Variants in ARID1B observed in about 807,000 individuals in gnomAD.
ARID1B encodes AT-rich interactive domain-containing protein 1B.
A neutral mutation model predicts 212.3 loss-of-function variants in ARID1B; 30 were observed. The ratio of observed to expected loss-of-function variants is 0.14; its 90% CI spans 0.11 to 0.19. The LOEUF is 0.19. Among genes scored for constraint, ARID1B ranks in the 10% least tolerant of loss-of-function variants. The probability of loss-of-function intolerance (pLI) is 1.00; values close to 1 mark genes in which losing one functional copy is unlikely to be tolerated. For missense variants in ARID1B, 2,891 were observed against 3,204.0 expected (o/e 0.90, Z 2.36); for synonymous variants, 1,402 against 1,301.7 (o/e 1.08, Z -1.66).
At chr6:156,900,876 A>G (rs1788868961) in intron 2 of ARID1B, among the ~76,000 whole-genome samples, 1 of 152,248 alleles carries the variant, frequency 6.6e-6, no homozygotes, top group Non-Finnish European at 1.5e-5. Context: ...TGATAATTTA[A>G]CTGGTATATA....
At chr6:156,928,462 C>G (rs948801960) in intron 3 of ARID1B, among the ~76,000 whole-genome samples, 2 of 152,120 alleles carry the variant, frequency 1.3e-5, no homozygotes, top group Non-Finnish European at 2.9e-5. Context: ...GGAGAAGGAA[C>G]AGGTCTGTGG....
chr6:156,989,887 A>G (rs4869905), intron 4 of ARID1B, among the ~76,000 whole-genome samples: 29,852 of 152,112 alleles, frequency 0.2, 3,226 homozygotes, highest in East Asian at 0.41. Flanking sequence ...GGAGAATGAT[A>G]GGAAATAGTG....
intron 6 of ARID1B, among the ~76,000 whole-genome samples, chr6:157,123,246 C>T (rs1231761387): frequency 1.4e-4 from 17 of 125,358 alleles, no homozygotes; most frequent in Admixed American, 3.3e-4. Flanking sequence ...CCGCCCCCCC[C>T]CCACACACAC....
At position 157,066,576 on chromosome 6, in the gene ARID1B, G is replaced by A. The variant is rs73581994; in HGVS notation, c.2248-18086G>A. On this transcript the variant is annotated intron_variant, in intron 4 of 19. Transcript: ENST00000636930. ...GTATGATGATATTATAGCCTTTAAC[G>A]GATAGCTTATGTCTGAGTTCATGGT... Among the ~76,000 whole-genome samples the A allele has an allele frequency of 8.3e-3, 1,263 of 152,132 alleles. 26 individuals carry two copies. The highest frequency in any genetic ancestry group is 0.028 in the African/African-American group (1,161 of 41,514).
chr6:156,846,245 C>T (rs1434155645), intron 2 of ARID1B, among the ~76,000 whole-genome samples: 1 of 152,142 alleles, frequency 6.6e-6, no homozygotes, highest in African/African-American at 2.4e-5. Context: ...ACCTCCGCCT[C>T]CTGGGTTCAA....
chr6:157,121,324 T>G (rs370519869), intron 6 of ARID1B, among the ~76,000 whole-genome samples: 1 of 152,296 alleles, frequency 6.6e-6, no homozygotes, highest in East Asian at 1.9e-4. Flanking sequence ...ACTGTTTCCT[T>G]TATGTCGTCT....
At chr6:157,032,827 C>G (rs1651950574) in intron 4 of ARID1B, among the ~76,000 whole-genome samples, 1 of 152,032 alleles carries the variant, frequency 6.6e-6, no homozygotes, top group Non-Finnish European at 1.5e-5. Context: ...TCACCCCCAC[C>G]TTTTTTAAAA....
chr6:156,965,393 C>G (rs1004216098), intron 4 of ARID1B, among the ~76,000 whole-genome samples: 1 of 152,158 alleles, frequency 6.6e-6, no homozygotes, highest in African/African-American at 2.4e-5. Flanking sequence ...CTTTCTTGCT[C>G]AGTCTTCTCC....
intron 2 of ARID1B, among the ~76,000 whole-genome samples, chr6:156,889,058 T>C (rs1787733505): frequency 1.3e-5 from 2 of 152,262 alleles, no homozygotes; most frequent in African/African-American, 4.8e-5. Context: ...TATAGGTGAG[T>C]TTTTCACTGC....
intron 4 of ARID1B, among the ~76,000 whole-genome samples, chr6:156,980,760 A>G (rs1019285298): frequency 3.9e-5 from 6 of 152,204 alleles, no homozygotes; most frequent in Non-Finnish European, 7.3e-5. Context: ...GGAACCCGGC[A>G]GTCTGGGGAA....
chr6:156,895,641 G>T (rs1232105677), intron 2 of ARID1B, among the ~76,000 whole-genome samples: 1 of 152,044 alleles, frequency 6.6e-6, no homozygotes, highest in Non-Finnish European at 1.5e-5. Flanking sequence ...GGTAAAAGTG[G>T]AAAATTGTGA....
chr6:156,777,076 C>T (rs1778663168), upstream of ARID1B: 1 of 152,280 alleles, frequency 6.6e-6, no homozygotes, highest in Non-Finnish European at 1.5e-5. Flanking sequence ...CGTTTTCCAC[C>T]TTTGTATCGT....
chr6:157,084,565 A>G lies in ARID1B; in HGVS notation c.2248-97A>G, dbSNP rs1176888146. On this transcript the variant is annotated intron_variant, in intron 4 of 19. Transcript: ENST00000636930. ...TTTGGGTGTTACCCAGAAAACCTTC[A>G]TCTCTGAAGGGGACGTCATTATGAT... 2.7e-6 allele frequency: 4 copies of G among 1,459,382 alleles called. No homozygotes were observed. In the African/African-American group the frequency reaches 5.7e-5, roughly 21 times the overall value. 90.4% of individuals were successfully genotyped at this position (1,459,382 alleles called of 1,614,324 possible).
At chr6:157,008,798 G>A (rs555922180) in intron 4 of ARID1B, among the ~76,000 whole-genome samples, 50 of 152,178 alleles carry the variant, frequency 3.3e-4, no homozygotes, top group Non-Finnish European at 5.3e-4. Flanking sequence ...TCCTTCACTG[G>A]TCATCCTGAC....
chr6:156,786,111 C>T (rs1022988649), intron 1 of ARID1B, among the ~76,000 whole-genome samples: 2 of 152,080 alleles, frequency 1.3e-5, no homozygotes, highest in African/African-American at 4.8e-5. Flanking sequence ...CCTTGCTTTT[C>T]TTCCCTCACC....
chr6:157,026,634 T>C (rs943475344), intron 4 of ARID1B, among the ~76,000 whole-genome samples: 2 of 152,138 alleles, frequency 1.3e-5, no homozygotes, highest in South Asian at 2.1e-4. Flanking sequence ...CTTAGGTGAG[T>C]AGAGGAGTGT....
At chr6:156,798,805 G>A (rs1157672622) in intron 1 of ARID1B, among the ~76,000 whole-genome samples, 1 of 152,172 alleles carries the variant, frequency 6.6e-6, no homozygotes, top group East Asian at 1.9e-4. Context: ...CTTGTGTGGC[G>A]AAAATCTTGG....
intron 2 of ARID1B, among the ~76,000 whole-genome samples, chr6:156,856,700 TCACACACACACACACACA>T (rs141705209): frequency 1.6e-4 from 18 of 114,728 alleles, no homozygotes; most frequent in African/African-American, 5.8e-4. Flanking sequence ...TCTCTCTCTC[TCACACACACACACACACA>T]CACACACACA....
At chr6:157,023,154 TAAG>T (rs1334268796) in intron 4 of ARID1B, 2 of 152,230 alleles carry the variant, frequency 1.3e-5, no homozygotes, top group South Asian at 2.1e-4. Context: ...AGGTGTTTCA[TAAG>T]AAGGAGTGAG....
Sources: gnomAD v4.1 joint callset for allele counts (sites outside exome capture counted in the v4.1 genomes callset) on GRCh38, gnomAD v4.1.1 for gene constraint, MANE v1.5 for transcripts, NCBI Gene and HGNC (gene_info 2026-07-23, HGNC 2026-07-21) for gene names.